The following PLEKHA5 variants were observed in gnomAD, a reference collection of about 807,000 sequenced individuals.
The protein encoded by PLEKHA5 is pleckstrin homology domain containing A5, also known as pleckstrin homology domain-containing family A member 5.
PLEKHA5 carries 55 observed loss-of-function variants against 181.9 expected under a neutral mutation model. That is an observed-to-expected ratio of 0.30 (90% CI 0.24 to 0.38). PLEKHA5 has a LOEUF of 0.38. Ranked by LOEUF, PLEKHA5 falls within the 10% of genes least tolerant of loss-of-function variation. The pLI is 1.00. For missense variants in PLEKHA5, 1,432 were observed against 1,549.5 expected (o/e 0.92, Z 1.27); for synonymous variants, 535 against 529.4 (o/e 1.01, Z -0.15).
At chr12:19,165,712 T>G (rs2044193072) in intron 3 of PLEKHA5, among the ~76,000 whole-genome samples, 1 of 152,194 alleles carries the variant, frequency 6.6e-6, no homozygotes, top group South Asian at 2.1e-4. Flanking sequence ...TGGGGGAACT[T>G]CCTACACTTA....
At chr12:19,336,384 G>A (rs999339725) in intron 20 of PLEKHA5, 131 bp from the exon 21 acceptor site, 1 of 531,538 alleles carries the variant, frequency 1.9e-6, no homozygotes, top group African/African-American at 2.0e-5. Flanking sequence ...GGACAAAAAT[G>A]GTTATAAAAA....
chr12:19,142,630 T>C (rs2037724008), intron 3 of PLEKHA5, among the ~76,000 whole-genome samples: 1 of 152,320 alleles, frequency 6.6e-6, no homozygotes, highest in Admixed American at 6.5e-5. Flanking sequence ...AAGGTGTACA[T>C]GTTTGATGTA....
At chr12:19,166,328 C>T (rs1218566569) in intron 3 of PLEKHA5, among the ~76,000 whole-genome samples, 3 of 152,248 alleles carry the variant, frequency 2.0e-5, no homozygotes, top group South Asian at 4.1e-4. Flanking sequence ...GTTATTTAAA[C>T]GTGTCGTGGT....
At chr12:19,359,595 A>C (rs370129862) in intron 28 of PLEKHA5, 49 bp downstream of exon 28, 19 of 1,530,216 alleles carry the variant, frequency 1.2e-5, no homozygotes, top group Admixed American at 1.7e-5. Context: ...AGATTTGTGA[A>C]GATTAAATCA....
chr12:19,161,852 A>G (rs948128457), intron 3 of PLEKHA5, among the ~76,000 whole-genome samples: 1 of 152,190 alleles, frequency 6.6e-6, no homozygotes, highest in Non-Finnish European at 1.5e-5. Flanking sequence ...AGATTAACCA[A>G]GATTGAGTAT....
At chr12:19,226,768 A>G (rs1228380066) in intron 3 of PLEKHA5, among the ~76,000 whole-genome samples, 1 of 152,190 alleles carries the variant, frequency 6.6e-6, no homozygotes, top group Non-Finnish European at 1.5e-5. Context: ...CATACTTTTT[A>G]AGAACAGTGT....
chr12:19,347,474 A>T (rs1210649139), intron 24 of PLEKHA5, among the ~76,000 whole-genome samples: 2 of 152,040 alleles, frequency 1.3e-5, no homozygotes, highest in Non-Finnish European at 2.9e-5. Flanking sequence ...TTTTAGATAT[A>T]CCATTTTAGG....
In PLEKHA5 at chr12:19,130,781, GGGA is replaced by G. The variant is rs1183020851; in HGVS notation, c.169+656_169+658del. 6.6e-6 allele frequency: 1 copy of G among 152,304 alleles called. No individual in the cohort carries two copies. Among genetic ancestry groups the G allele is most frequent in the Non-Finnish European group, 1.5e-5 (1 of 68,140 alleles). 9.4% of individuals were successfully genotyped at this position (152,304 alleles called of 1,614,324 possible). On this transcript the variant is annotated intron_variant, in intron 2 of 31. Transcript: ENST00000429027. The surrounding 1 kb of genome is among the most constrained non-coding windows in gnomAD (Gnocchi z 4.5). ...CGCTTGGCGCGTTCCCTCCTGCCAC[GGGA>G]GGAGCAGCCGGAGCCGGAGGAGGCG...
chr12:19,197,820 C>G (rs1396492941), intron 3 of PLEKHA5, among the ~76,000 whole-genome samples: 2 of 135,780 alleles, frequency 1.5e-5, no homozygotes, highest in African/African-American at 5.2e-5. Context: ...TTCCTCATCT[C>G]CACATTCACT....
At chr12:19,310,588 T>A (rs2086107931) in intron 15 of PLEKHA5, among the ~76,000 whole-genome samples, 2 of 126,770 alleles carry the variant, frequency 1.6e-5, no homozygotes, top group Admixed American at 1.0e-4. Flanking sequence ...CCAGCCTGTG[T>A]GACAGAGCGA....
chr12:19,368,908 T>C (rs2095504727), intron 30 of PLEKHA5, among the ~76,000 whole-genome samples: 1 of 152,118 alleles, frequency 6.6e-6, no homozygotes, highest in Admixed American at 6.6e-5. Context: ...ATGATAGTAT[T>C]AAAACCACAA....
intron 3 of PLEKHA5, among the ~76,000 whole-genome samples, chr12:19,162,812 AGTG>A (rs1046837463): frequency 6.6e-6 from 1 of 152,172 alleles, no homozygotes; most frequent in African/African-American, 2.4e-5. Context: ...ATGAAAGTAA[AGTG>A]GTATAATTAT....
chr12:19,170,721 C>T (rs1404464033), intron 3 of PLEKHA5, among the ~76,000 whole-genome samples: 2 of 152,166 alleles, frequency 1.3e-5, no homozygotes, highest in African/African-American at 4.8e-5. Context: ...CCCAGCCTCT[C>T]TAATAATTTT....
At chr12:19,157,316 G>C (rs923622886) in intron 3 of PLEKHA5, among the ~76,000 whole-genome samples, 1 of 152,144 alleles carries the variant, frequency 6.6e-6, no homozygotes, top group African/African-American at 2.4e-5. Flanking sequence ...CTGGGGATAC[G>C]AAGAGGAAAT....
At chr12:19,373,438 GGAGGCC>G (rs2095635500) in intron 31 of PLEKHA5, 1 of 152,130 alleles carries the variant, frequency 6.6e-6, no homozygotes, top group Non-Finnish European at 1.5e-5. Flanking sequence ...CAGCACTTTG[GGAGGCC>G]GAGGCAGGCA....
chr12:19,359,375 A>C (rs1364980924), intron 27 of PLEKHA5, 37 bp from the exon 28 acceptor site: 3 of 1,583,182 alleles, frequency 1.9e-6, no homozygotes, highest in Non-Finnish European at 2.6e-6. Flanking sequence ...ATGCATGCAC[A>C]GTATGAGTAT....
At chr12:19,347,679 A>G (rs990090582) in intron 24 of PLEKHA5, among the ~76,000 whole-genome samples, 1 of 152,154 alleles carries the variant, frequency 6.6e-6, no homozygotes, top group Non-Finnish European at 1.5e-5. Context: ...AATGTAGGAT[A>G]TAATAAGCAA....
At chr12:19,167,540 G>A (rs759588700) in intron 3 of PLEKHA5, among the ~76,000 whole-genome samples, 1 of 146,424 alleles carries the variant, frequency 6.8e-6, no homozygotes, top group African/African-American at 2.5e-5. Flanking sequence ...CTTCCCTGTT[G>A]GTTTAACCTG....
At chr12:19,224,370 CTTTTGT>C (rs1241041371) in intron 3 of PLEKHA5, among the ~76,000 whole-genome samples, 1 of 152,050 alleles carries the variant, frequency 6.6e-6, no homozygotes, top group Non-Finnish European at 1.5e-5. Flanking sequence ...AATTGAATGA[CTTTTGT>C]TTTTGTTTTT....
Sources: gnomAD v4.1 joint callset for allele counts (sites outside exome capture counted in the v4.1 genomes callset) on GRCh38, gnomAD v4.1.1 for gene constraint, Gnocchi (gnomAD v3.1) non-coding constraint, MANE v1.5 for transcripts, NCBI Gene and HGNC (gene_info 2026-07-23, HGNC 2026-07-21) for gene names.